The following PPARGC1A variants were observed in gnomAD, a reference collection of about 807,000 sequenced individuals.
PPARGC1A encodes peroxisome proliferator-activated receptor gamma coactivator 1-alpha.
Under a neutral mutation model 88.7 loss-of-function variants are expected in PPARGC1A, and 25 were observed. The ratio of observed to expected loss-of-function variants is 0.28; its 90% CI spans 0.21 to 0.39. The LOEUF is 0.39. PPARGC1A is among the 10% of genes least tolerant of loss of function. The pLI is 1.00. For synonymous variants in PPARGC1A, 363 were observed against 355.6 expected (o/e 1.02, Z -0.24); for missense variants, 880 against 968.7 (o/e 0.91, Z 1.22).
the PPARGC1A span, among the ~76,000 whole-genome samples, chr4:23,992,286 AC>A: frequency 3.6e-4 from 13 of 35,852 alleles, no homozygotes; most frequent in East Asian, 5.0e-3. Flanking sequence ...ACTAGTCTAT[AC>A]TATTATTATC....
chr4:24,386,508 A>C, the PPARGC1A span, among the ~76,000 whole-genome samples: 3 of 152,244 alleles, frequency 2.0e-5, no homozygotes, highest in African/African-American at 7.2e-5. Flanking sequence ...GTCTCAGCCC[A>C]AAATCTCCTT....
chr4:24,282,827 A>T, the PPARGC1A span, among the ~76,000 whole-genome samples: 2 of 152,112 alleles, frequency 1.3e-5, no homozygotes, highest in Admixed American at 6.5e-5. Context: ...TTTTTCTTCC[A>T]TACACACCTG....
the PPARGC1A span, among the ~76,000 whole-genome samples, chr4:24,437,564 A>C: frequency 6.6e-6 from 1 of 152,008 alleles, no homozygotes; most frequent in Non-Finnish European, 1.5e-5. Flanking sequence ...CTTTGAGTTA[A>C]TTCTGTAAGT....
At chr4:24,305,786 T>C in the PPARGC1A span, among the ~76,000 whole-genome samples, 1 of 152,172 alleles carries the variant, frequency 6.6e-6, no homozygotes, top group Non-Finnish European at 1.5e-5. Context: ...CACTCCAGCC[T>C]GGGCAACAAG....
At chr4:23,865,664 C>T (rs1711772388) in intron 2 of PPARGC1A, among the ~76,000 whole-genome samples, 1 of 152,170 alleles carries the variant, frequency 6.6e-6, no homozygotes, top group African/African-American at 2.4e-5. Context: ...ACCTTTCCAC[C>T]TCTTACCGCA....
chr4:23,903,156 C>T (rs1390011457), upstream of PPARGC1A, among the ~76,000 whole-genome samples: 1 of 152,100 alleles, frequency 6.6e-6, no homozygotes, highest in Non-Finnish European at 1.5e-5. Flanking sequence ...GGTCTTAGCC[C>T]ATCCTATTTA....
chr4:24,445,855 G>A, the PPARGC1A span, among the ~76,000 whole-genome samples: 24 of 152,100 alleles, frequency 1.6e-4, no homozygotes, highest in African/African-American at 5.3e-4. Flanking sequence ...ATCGCTTGAG[G>A]CCAGGAGTTC....
the PPARGC1A span, among the ~76,000 whole-genome samples, chr4:23,962,025 G>C: frequency 3.3e-5 from 5 of 152,168 alleles, no homozygotes; most frequent in African/African-American, 1.2e-4. Flanking sequence ...CAAACCCTCT[G>C]GCCAGTACGA....
At chr4:23,852,418 A>T (rs1008967820) in intron 2 of PPARGC1A, among the ~76,000 whole-genome samples, 3 of 151,112 alleles carry the variant, frequency 2.0e-5, no homozygotes, top group Non-Finnish European at 4.4e-5. Flanking sequence ...TCAGATTTCC[A>T]CTGTCTCCAC....
At chr4:24,352,301 T>A in the PPARGC1A span, among the ~76,000 whole-genome samples, 1 of 152,026 alleles carries the variant, frequency 6.6e-6, no homozygotes, top group Non-Finnish European at 1.5e-5. Context: ...AGCACAGGGA[T>A]GTAAGGCGCC....
chr4:24,033,032 A>G, the PPARGC1A span, among the ~76,000 whole-genome samples: 2 of 152,238 alleles, frequency 1.3e-5, no homozygotes, highest in Non-Finnish European at 2.9e-5. Context: ...ACTTGTATGT[A>G]GAATTGTCCT....
chr4:24,184,463 T>A, the PPARGC1A span, among the ~76,000 whole-genome samples: 1 of 152,180 alleles, frequency 6.6e-6, no homozygotes, highest in African/African-American at 2.4e-5. Context: ...CCATACCTGG[T>A]ATTGTGGGAG....
At chr4:23,870,024 G>T (rs1712949317) in intron 2 of PPARGC1A, among the ~76,000 whole-genome samples, 1 of 152,180 alleles carries the variant, frequency 6.6e-6, no homozygotes, top group Admixed American at 6.5e-5. Flanking sequence ...ATTATAAAAT[G>T]AAGTTCGGTA....
the PPARGC1A span, among the ~76,000 whole-genome samples, chr4:24,115,682 C>T: frequency 2.6e-5 from 4 of 152,120 alleles, no homozygotes; most frequent in Non-Finnish European, 2.9e-5. Context: ...GAAATGCAAT[C>T]GTTTTCATAT....
the PPARGC1A span, among the ~76,000 whole-genome samples, chr4:24,153,310 A>G: frequency 9.2e-5 from 14 of 152,330 alleles, 1 homozygote; most frequent in South Asian, 2.9e-3. Context: ...CCCAGCACTC[A>G]GAAATAAAAT....
the PPARGC1A span, among the ~76,000 whole-genome samples, chr4:24,450,618 T>C: frequency 6.6e-6 from 1 of 152,224 alleles, no homozygotes; most frequent in African/African-American, 2.4e-5. Context: ...CTAAAGTCTA[T>C]ATTTTTCTCA....
chr4:23,830,552 T>G (rs1386989580), intron 3 of PPARGC1A, among the ~76,000 whole-genome samples: 3 of 152,242 alleles, frequency 2.0e-5, no homozygotes, highest in Admixed American at 6.5e-5. Flanking sequence ...ATTCTCCATA[T>G]GAGAAACCTC....
chr4:24,106,789 TG>T, the PPARGC1A span, among the ~76,000 whole-genome samples: 22 of 152,228 alleles, frequency 1.4e-4, no homozygotes, highest in African/African-American at 5.3e-4. Flanking sequence ...AGGGCATCCT[TG>T]CTCACATGAC....
intron 1 of PPARGC1A, 31 bp downstream of exon 1, chr4:23,889,873 G>A (rs1170485265): frequency 3.7e-6 from 6 of 1,609,268 alleles, no homozygotes; most frequent in African/African-American, 1.3e-5. Flanking sequence ...CGTCAGTTGT[G>A]GCTGCAGCGC....
Sources: allele counts gnomAD v4.1 joint callset (sites outside exome capture counted in the v4.1 genomes callset), GRCh38; gene constraint gnomAD v4.1.1; transcripts MANE v1.5; gene names NCBI Gene and HGNC (gene_info 2026-07-23, HGNC 2026-07-21).